CAMTA1: variants seen among roughly 807,000 people sequenced by gnomAD.
The protein encoded by CAMTA1 is calmodulin-binding transcription activator 1.
A neutral mutation model predicts 170.9 loss-of-function variants in CAMTA1; 27 were observed. The observed-to-expected ratio is 0.16, with a 90% CI of 0.12 to 0.22. The LOEUF is 0.22. CAMTA1 is among the 10% of genes least tolerant of loss of function. The pLI is 1.00. For synonymous variants in CAMTA1, 833 were observed against 891.5 expected (o/e 0.93, Z 1.17); for missense variants, 1,619 against 2,217.2 (o/e 0.73, Z 5.42).
intron 4 of CAMTA1, among the ~76,000 whole-genome samples, chr1:7,220,434 G>A (rs1401559441): frequency 1.3e-5 from 2 of 152,182 alleles, no homozygotes; most frequent in Admixed American, 6.5e-5. Flanking sequence ...CCTGCTGTGG[G>A]CTCAGGGATC....
At chr1:7,449,111 C>T (rs1575391871) in intron 5 of CAMTA1, among the ~76,000 whole-genome samples, 1 of 152,208 alleles carries the variant, frequency 6.6e-6, no homozygotes, top group Non-Finnish European at 1.5e-5. Flanking sequence ...TGGCGGTTTG[C>T]ACATTCTTAA....
chr1:7,156,673 C>T lies in CAMTA1; in HGVS notation c.302+65302C>T, dbSNP rs76015582. 6.6e-5 allele frequency among the ~76,000 whole-genome samples: 10 copies of T among 152,324 alleles called. No homozygotes were observed. In the East Asian group the frequency reaches 1.2e-3, roughly 18 times the overall value. On this transcript the variant is annotated intron_variant, in intron 4 of 22. Coordinates refer to ENST00000303635, the MANE Select transcript of CAMTA1 (RefSeq NM_015215.4). ...AGCATTCTTCATACCAAGACCAAGA[C>T]GATTTCAGAAGTATCTGTAGCATGT...
At chr1:7,356,221 C>G (rs868370505) in intron 5 of CAMTA1, among the ~76,000 whole-genome samples, 5 of 152,210 alleles carry the variant, frequency 3.3e-5, no homozygotes, top group Admixed American at 2.6e-4. Context: ...GTTCCCTGTC[C>G]TGGATGAACA....
At chr1:6,794,889 T>G (rs1341562483) in intron 1 of CAMTA1, among the ~76,000 whole-genome samples, 1 of 144,496 alleles carries the variant, frequency 6.9e-6, no homozygotes, top group African/African-American at 2.7e-5. Context: ...GCTTTTTTTT[T>G]GTTTTTTTTG....
At chr1:7,757,572 G>T (rs1043537937) in intron 22 of CAMTA1, among the ~76,000 whole-genome samples, 1 of 152,132 alleles carries the variant, frequency 6.6e-6, no homozygotes, top group Non-Finnish European at 1.5e-5. Flanking sequence ...TTCGAGACCA[G>T]CCTGGCCAAC....
At chr1:7,238,546 G>T (rs907930351) in intron 4 of CAMTA1, among the ~76,000 whole-genome samples, 1 of 152,220 alleles carries the variant, frequency 6.6e-6, no homozygotes, top group African/African-American at 2.4e-5. Flanking sequence ...CAGGGGCTCA[G>T]CTTGAAACTC....
intron 4 of CAMTA1, among the ~76,000 whole-genome samples, chr1:7,123,516 C>T (rs1644763847): frequency 6.6e-6 from 1 of 152,120 alleles, no homozygotes; most frequent in African/African-American, 2.4e-5. Context: ...TGCTGCGTGC[C>T]CCTGCCCTCT....
intron 3 of CAMTA1, among the ~76,000 whole-genome samples, chr1:7,089,585 C>CATCCT: frequency 7.3e-6 from 1 of 136,228 alleles, no homozygotes; most frequent in Non-Finnish European, 1.6e-5. Context: ...CATCCCATCC[C>CATCCT]ATCCATCCGG....
At position 7,768,735 on chromosome 1, in the gene CAMTA1, C is replaced by T. The variant is rs918897995; in HGVS notation, c.*2244C>T. 1 of 152,582 alleles carries T rather than the reference C, an allele frequency of 6.6e-6. No homozygotes were observed. Among genetic ancestry groups the T allele is most frequent in the African/African-American group, 2.4e-5 (1 of 41,380 alleles). The allele number at this position is 152,582 out of a possible 1,614,324, so 9.5% of individuals were successfully genotyped here. ...TGTACATTTGTAAACTGACCTGACTCCATTTTGTTTTTAAATGTGTGGGTT... is the reference window on the plus strand; with the variant it reads ...TGTACATTTGTAAACTGACCTGACTTCATTTTGTTTTTAAATGTGTGGGTT... On this transcript the variant is annotated 3_prime_UTR_variant, in exon 23 of 23. Coordinates refer to ENST00000303635, the MANE Select transcript of CAMTA1 (RefSeq NM_015215.4).
chr1:6,812,473 CTG>C (rs1645290860), intron 1 of CAMTA1, among the ~76,000 whole-genome samples: 1 of 152,190 alleles, frequency 6.6e-6, no homozygotes, highest in African/African-American at 2.4e-5. Flanking sequence ...AATGCTCTCT[CTG>C]AGGAGTTAAA....
At chr1:6,815,886 A>G (rs1208745007) in intron 1 of CAMTA1, among the ~76,000 whole-genome samples, 3 of 152,160 alleles carry the variant, frequency 2.0e-5, no homozygotes, top group Non-Finnish European at 4.4e-5. Flanking sequence ...TGCACATTAC[A>G]TTTGGAGAAG....
chr1:7,678,769 G>A (rs952746871), intron 11 of CAMTA1, among the ~76,000 whole-genome samples: 1 of 152,212 alleles, frequency 6.6e-6, no homozygotes, highest in African/African-American at 2.4e-5. Flanking sequence ...GCTAAGCTGA[G>A]CCTGAGCCCC....
At chr1:6,824,181 G>A (rs1646852844) in intron 2 of CAMTA1, among the ~76,000 whole-genome samples, 1 of 152,130 alleles carries the variant, frequency 6.6e-6, no homozygotes, top group Non-Finnish European at 1.5e-5. Context: ...GTATATTGGG[G>A]ATCTTATGTA....
At chr1:7,717,481 C>G (rs530726166) in intron 11 of CAMTA1, among the ~76,000 whole-genome samples, 47 of 152,122 alleles carry the variant, frequency 3.1e-4, no homozygotes, top group African/African-American at 1.1e-3. Flanking sequence ...CGTAGTGGCT[C>G]ACACCTGTAA....
At chr1:7,289,575 T>C (rs952783550) in intron 5 of CAMTA1, among the ~76,000 whole-genome samples, 1 of 152,226 alleles carries the variant, frequency 6.6e-6, no homozygotes, top group Admixed American at 6.5e-5. Context: ...CCAAAAGGCA[T>C]GTCCACCCTG....
intron 4 of CAMTA1, among the ~76,000 whole-genome samples, chr1:7,231,831 T>C (rs1662892651): frequency 6.6e-6 from 1 of 152,210 alleles, no homozygotes; most frequent in Non-Finnish European, 1.5e-5. Context: ...TCTAATCCTA[T>C]TGAACAGGAT....
At chr1:7,396,188 T>G (rs1253610192) in intron 5 of CAMTA1, among the ~76,000 whole-genome samples, 1 of 152,192 alleles carries the variant, frequency 6.6e-6, no homozygotes, top group Admixed American at 6.5e-5. Flanking sequence ...GTTCCCACGA[T>G]AGCTTGTTCA....
chr1:7,312,034 C>G (rs1369816301), intron 5 of CAMTA1, among the ~76,000 whole-genome samples: 1 of 152,192 alleles, frequency 6.6e-6, no homozygotes, highest in African/African-American at 2.4e-5. Flanking sequence ...TTGGGCCTCT[C>G]TTTTTCAGTC....
chr1:7,143,501 C>A (rs1184762546), intron 4 of CAMTA1, among the ~76,000 whole-genome samples: 2 of 152,196 alleles, frequency 1.3e-5, no homozygotes, highest in African/African-American at 4.8e-5. Context: ...TCTCTGGGTG[C>A]AGCCTGCTTT....
Sources: allele counts gnomAD v4.1 joint callset (sites outside exome capture counted in the v4.1 genomes callset), GRCh38; gene constraint gnomAD v4.1.1; transcripts MANE v1.5; gene names NCBI Gene and HGNC (gene_info 2026-07-23, HGNC 2026-07-21).